Variants in PTPN14 observed in about 807,000 individuals in gnomAD.
PTPN14 encodes tyrosine-protein phosphatase non-receptor type 14.
A neutral mutation model predicts 126.8 loss-of-function variants in PTPN14; 53 were observed. The observed-to-expected ratio is 0.42, with a 90% CI of 0.34 to 0.53. PTPN14 has a LOEUF of 0.53. Among genes scored for constraint, PTPN14 ranks in the 20% least tolerant of loss-of-function variants. The probability of loss-of-function intolerance (pLI) is 0.08; values close to 1 mark genes in which losing one functional copy is unlikely to be tolerated. For missense variants in PTPN14, 1,257 were observed against 1,552.9 expected (o/e 0.81, Z 3.20); for synonymous variants, 630 against 599.3 (o/e 1.05, Z -0.75).
intron 1 of PTPN14, among the ~76,000 whole-genome samples, chr1:214,491,900 A>C (rs1301325634): frequency 6.6e-6 from 1 of 152,138 alleles, no homozygotes; most frequent in Non-Finnish European, 1.5e-5. Flanking sequence ...AAAGCAGTTT[A>C]GTTACTACAC....
At chr1:214,495,064 C>T (rs1661330278) in intron 1 of PTPN14, among the ~76,000 whole-genome samples, 1 of 152,136 alleles carries the variant, frequency 6.6e-6, no homozygotes, top group African/African-American at 2.4e-5. Context: ...TCAGCATCAT[C>T]CCAGAAAGGG....
At chr1:214,478,691 T>C (rs1415071410) in intron 1 of PTPN14, among the ~76,000 whole-genome samples, 1 of 152,196 alleles carries the variant, frequency 6.6e-6, no homozygotes, top group Non-Finnish European at 1.5e-5. Context: ...AAATGATTAC[T>C]ATGTGCCAGG....
At chr1:214,462,587 T>C (rs1355127986) in intron 2 of PTPN14, among the ~76,000 whole-genome samples, 1 of 152,190 alleles carries the variant, frequency 6.6e-6, no homozygotes, top group Admixed American at 6.5e-5. Flanking sequence ...CATCAACTCT[T>C]TCACTCTCAC....
intron 1 of PTPN14, among the ~76,000 whole-genome samples, chr1:214,510,345 G>C (rs542150830): frequency 1.3e-5 from 2 of 152,336 alleles, no homozygotes; most frequent in African/African-American, 4.8e-5. Flanking sequence ...ATGTGACACA[G>C]AGACTTGAAG....
At chr1:214,471,333 T>A (rs920733749) in intron 1 of PTPN14, among the ~76,000 whole-genome samples, 4 of 152,188 alleles carry the variant, frequency 2.6e-5, no homozygotes, top group African/African-American at 9.7e-5. Context: ...ATGCACAAAC[T>A]TTCATGCAAG....
At chr1:214,397,068 G>A (rs1558084626) in intron 8 of PTPN14, among the ~76,000 whole-genome samples, 1 of 152,066 alleles carries the variant, frequency 6.6e-6, no homozygotes, top group Admixed American at 6.5e-5. Context: ...GACAGACTGG[G>A]GATCTAGGAA....
intron 2 of PTPN14, among the ~76,000 whole-genome samples, chr1:214,456,017 T>G (rs1302159513): frequency 6.6e-6 from 1 of 152,234 alleles, no homozygotes; most frequent in Non-Finnish European, 1.5e-5. Context: ...ATTTGTTTGT[T>G]CATTTATTTG....
At chr1:214,532,445 A>G (rs1655576077) in intron 1 of PTPN14, 7 of 796,394 alleles carry the variant, frequency 8.8e-6, no homozygotes, top group Admixed American at 7.1e-5. Context: ...AAAGCCTGAA[A>G]GACCACCTGG....
chr1:214,360,559 G>T (rs1657932310), intron 18 of PTPN14, among the ~76,000 whole-genome samples: 1 of 152,162 alleles, frequency 6.6e-6, no homozygotes. Context: ...GTTTGATGAG[G>T]ATTACTCTGC....
In PTPN14 at chr1:214,478,259, G is replaced by C. The variant is rs915263365; in HGVS notation, c.-154-13302C>G. On this transcript the variant is annotated intron_variant, in intron 1 of 18. Transcript: ENST00000366956. ...ATAATACATAGTTCAAGTACATTTT[G>C]GCATATCTACATTATTTAGGCTATT... Among the ~76,000 whole-genome samples, 49 of 152,104 alleles carry C rather than the reference G, an allele frequency of 3.2e-4. 1 individual carries two copies. The highest frequency in any genetic ancestry group is 1.5e-4 in the Non-Finnish European group (10 of 68,024).
At chr1:214,494,732 G>C (rs1298999326) in intron 1 of PTPN14, among the ~76,000 whole-genome samples, 7 of 152,152 alleles carry the variant, frequency 4.6e-5, no homozygotes, top group Non-Finnish European at 1.0e-4. Flanking sequence ...AAGGAAGAGT[G>C]GCCTCTCCTG....
At chr1:214,466,209 G>A (rs1030991554) in intron 1 of PTPN14, among the ~76,000 whole-genome samples, 3 of 150,960 alleles carry the variant, frequency 2.0e-5, no homozygotes, top group East Asian at 2.0e-4. Context: ...TGATCCACCC[G>A]CCTTGGCCTC....
chr1:214,522,856 C>G (rs1281599963), intron 1 of PTPN14, among the ~76,000 whole-genome samples: 1 of 152,086 alleles, frequency 6.6e-6, no homozygotes, highest in Non-Finnish European at 1.5e-5. Flanking sequence ...TTGTTTAGGA[C>G]GGCATAAAAT....
chr1:214,448,445 C>T (rs1660197435), intron 3 of PTPN14, among the ~76,000 whole-genome samples: 1 of 150,234 alleles, frequency 6.7e-6, no homozygotes, highest in African/African-American at 2.5e-5. Context: ...CGGGTTTCAC[C>T]ATGTTAGCCA....
intron 3 of PTPN14, among the ~76,000 whole-genome samples, chr1:214,425,557 T>C (rs1043213268): frequency 1.3e-5 from 2 of 152,206 alleles, no homozygotes; most frequent in African/African-American, 4.8e-5. Flanking sequence ...CGCCTTACTA[T>C]GCATTCACAT....
At chr1:214,532,833 T>C (rs1043765941) in intron 1 of PTPN14, 9 of 923,426 alleles carry the variant, frequency 9.7e-6, no homozygotes, top group Non-Finnish European at 1.4e-5. Flanking sequence ...ACCACAAAGA[T>C]GAACTAAAAG....
At chr1:214,497,482 G>T (rs984537370) in intron 1 of PTPN14, among the ~76,000 whole-genome samples, 1 of 152,138 alleles carries the variant, frequency 6.6e-6, no homozygotes, top group Non-Finnish European at 1.5e-5. Context: ...AAATTTAAGT[G>T]TGTATAGCAT....
At chr1:214,476,380 G>T (rs555963903) in intron 1 of PTPN14, among the ~76,000 whole-genome samples, 16 of 152,324 alleles carry the variant, frequency 1.1e-4, no homozygotes, top group Admixed American at 9.1e-4. Context: ...CTCTTTTCCG[G>T]AGAGGTGCGC....
intron 1 of PTPN14, among the ~76,000 whole-genome samples, chr1:214,471,985 T>G (rs1181231256): frequency 6.6e-6 from 1 of 152,144 alleles, no homozygotes; most frequent in Non-Finnish European, 1.5e-5. Flanking sequence ...TCACAGAGTC[T>G]CTCATCCTAC....
Sources: allele counts gnomAD v4.1 joint callset (sites outside exome capture counted in the v4.1 genomes callset), GRCh38; gene constraint gnomAD v4.1.1; transcripts MANE v1.5; gene names NCBI Gene and HGNC (gene_info 2026-07-23, HGNC 2026-07-21).